The following DIRAS3 variants were observed in gnomAD, a reference collection of about 807,000 sequenced individuals.
DIRAS3 encodes the protein DIRAS family GTPase 3, also known as GTP-binding protein Di-Ras3.
For synonymous variants in DIRAS3, 133 were observed against 131.4 expected (o/e 1.01, Z -0.08); for missense variants, 248 against 300.6 (o/e 0.83, Z 1.29).
At position 68,050,559 on chromosome 1, in the gene DIRAS3, G is replaced by C. The variant is rs569597461; in HGVS notation, c.-77C>G. On this transcript the variant is annotated 5_prime_UTR_variant, in exon 1 of 2. Coordinates refer to ENST00000646789, the MANE Select transcript of DIRAS3 (RefSeq NM_004675.5). The surrounding 1 kb of genome is among the most constrained non-coding windows in gnomAD (Gnocchi z 4.5). ...AAAGAAAGACTTACCTTTCTCGGAG[G>C]CACGAACCAAGCAGCCTAGAAGACA... 6.6e-6 allele frequency: 1 copy of C among 152,300 alleles called. No individual in the cohort carries two copies. The highest frequency in any genetic ancestry group is 1.5e-5 in the Non-Finnish European group (1 of 68,040). 9.4% of individuals were successfully genotyped at this position (152,300 alleles called of 1,614,324 possible). A position where few individuals can be genotyped will look rare whatever the true frequency, so the allele number is the denominator to read the frequency against.
intron 1 of DIRAS3, 143 bp from the exon 2 acceptor site, chr1:68,047,505 T>G: frequency 1.7e-6 from 1 of 582,100 alleles, no homozygotes; most frequent in East Asian, 2.9e-5. Context: ...GAGAAGAAAA[T>G]TCCCAGGCAC....
chr1:68,047,360 C>A lies in DIRAS3; in HGVS notation c.-63G>T. On this transcript the variant is annotated splice_region_variant and 5_prime_UTR_variant, in exon 2 of 2. Coordinates refer to ENST00000646789, the MANE Select transcript of DIRAS3 (RefSeq NM_004675.5). The stretch of plus-strand genomic sequence containing the variant: ...CCCACACTTAGCTGGCAGCAGGAGA[C>A]CCCTAGGAAGAAAGTGAGACGGTGA... The A allele has an allele frequency of 1.4e-6, 2 of 1,474,000 alleles. No homozygotes were observed. The highest frequency in any genetic ancestry group is 2.3e-5 in the East Asian group (1 of 43,206). 91.3% of individuals were successfully genotyped at this position (1,474,000 alleles called of 1,614,324 possible).
rs368827565 is a variant in DIRAS3, at chr1:68,047,070, C to G, written c.228G>C (p.Gln76His). 1 of 1,614,204 alleles carries G rather than the reference C, an allele frequency of 6.2e-7. No individual in the cohort carries two copies. The highest frequency in any genetic ancestry group is 8.5e-7 in the Non-Finnish European group (1 of 1,180,040). ...YLPTIENTYC[Q>H]LLGCSHGVLS... ...GCACACCGTGGCTGCAGCCCAGCAA[C>G]TGGCAGTAGGTATTTTCAATGGTCG... is the stretch of plus-strand genomic sequence containing the variant. Residue 76 changes from glutamine (Q) to histidine (H), a missense_variant, in exon 2 of 2, where the codon CAG (glutamine) becomes CAC (histidine). Transcript: ENST00000646789.
rs1367196618 is a variant in DIRAS3, at chr1:68,050,542, A to G, written c.-66+6T>C. On this transcript the variant is annotated splice_donor_region_variant and intron_variant, in intron 1 of 1. Transcript: ENST00000646789. This position sits in a 1 kb window ranked among gnomAD's most constrained non-coding sequence, Gnocchi z 4.5. ...GTACCCCTAAAAAAGCGAAAGAAAGACTTACCTTTCTCGGAGGCACGAACC... is the reference window on the plus strand; with the variant it reads ...GTACCCCTAAAAAAGCGAAAGAAAGGCTTACCTTTCTCGGAGGCACGAACC... 1 of 151,982 alleles carries G rather than the reference A, an allele frequency of 6.6e-6. No individual in the cohort carries two copies. Among genetic ancestry groups the G allele is most frequent in the African/African-American group, 2.4e-5 (1 of 41,358 alleles). 9.4% of individuals were successfully genotyped at this position (151,982 alleles called of 1,614,324 possible).
rs2100336990 is a variant in DIRAS3, at chr1:68,050,404, T to C, written c.-66+144A>G. Reference sequence around the variant, plus strand: ...CAGGAGCCCGCAGGGCTGCGGGTGGTTCTTGCGTAATCGCGCCAAGAAAGA... The same window carrying C: ...CAGGAGCCCGCAGGGCTGCGGGTGGCTCTTGCGTAATCGCGCCAAGAAAGA... On this transcript the variant is annotated intron_variant, in intron 1 of 1. Coordinates refer to ENST00000646789, the MANE Select transcript of DIRAS3 (RefSeq NM_004675.5). The surrounding 1 kb of genome is among the most constrained non-coding windows in gnomAD (Gnocchi z 4.5). 1 of 152,260 alleles carries C rather than the reference T, an allele frequency of 6.6e-6. No homozygotes were observed. The highest frequency in any genetic ancestry group is 1.9e-4 in the East Asian group (1 of 5,158). The allele number at this position is 152,260 out of a possible 1,614,324, so 9.4% of individuals were successfully genotyped here. A position where few individuals can be genotyped will look rare whatever the true frequency, so the allele number is the denominator to read the frequency against.
chr1:68,050,419 G>A lies in DIRAS3; in HGVS notation c.-66+129C>T, dbSNP rs1161217065. On this transcript the variant is annotated intron_variant, in intron 1 of 1. Transcript: ENST00000646789. The surrounding 1 kb of genome is among the most constrained non-coding windows in gnomAD (Gnocchi z 4.5). ...CTGCGGGTGGTTCTTGCGTAATCGC[G>A]CCAAGAAAGACCTGGTTCCAGTTTC... The A allele has an allele frequency of 6.6e-6, 1 of 152,140 alleles. No individual in the cohort carries two copies. The highest frequency in any genetic ancestry group is 1.9e-4 in the East Asian group (1 of 5,174). 9.4% of individuals were successfully genotyped at this position (152,140 alleles called of 1,614,324 possible).
Position 68,046,769 on chromosome 1 carries a change from A to T in DIRAS3, c.529T>A (p.Phe177Ile). 1 of 1,614,172 alleles carries T rather than the reference A, an allele frequency of 6.2e-7. No homozygotes were observed. Among genetic ancestry groups the T allele is most frequent in the Non-Finnish European group, 8.5e-7 (1 of 1,180,034 alleles). Reference sequence around the variant, plus strand: ...TCGGTCTTGGCTGAAATCTCCATGAAGGCGCAATTCCACTCCATCGCACAG... The same window carrying T: ...TCGGTCTTGGCTGAAATCTCCATGATGGCGCAATTCCACTCCATCGCACAG... ...ATCAMEWNCA[F>I]MEISAKTDVN... Residue 177 changes from phenylalanine (F) to isoleucine (I), a missense_variant, in exon 2 of 2, where the codon TTC (phenylalanine) becomes ATC (isoleucine). By Grantham distance (21) the Phe-to-Ile change is conservative (BLOSUM62 0). Coordinates refer to ENST00000646789, the MANE Select transcript of DIRAS3 (RefSeq NM_004675.5).
At chr1:68,049,960 ACC>A (rs576801046) in intron 1 of DIRAS3, among the ~76,000 whole-genome samples, 3 of 106,048 alleles carry the variant, frequency 2.8e-5, no homozygotes, top group African/African-American at 8.1e-5. Context: ...CAGGCAGTGG[ACC>A]CCCCCCCCCA....
chr1:68,048,667 A>G (rs1332522048), intron 1 of DIRAS3, among the ~76,000 whole-genome samples: 1 of 150,872 alleles, frequency 6.6e-6, no homozygotes, highest in African/African-American at 2.4e-5. Flanking sequence ...GGGGAAAAGG[A>G]CCCTTTTTAG....
In DIRAS3 at chr1:68,046,402, C is replaced by G. The variant is rs1367601740; in HGVS notation, c.*206G>C. The G allele has an allele frequency of 1.9e-6, 1 of 528,022 alleles. No individual in the cohort carries two copies. The highest frequency in any genetic ancestry group is 3.5e-5 in the Admixed American group (1 of 28,272). The allele number at this position is 528,022 out of a possible 1,614,324, so 32.7% of individuals were successfully genotyped here. A position where few individuals can be genotyped will look rare whatever the true frequency, so the allele number is the denominator to read the frequency against. On this transcript the variant is annotated 3_prime_UTR_variant, in exon 2 of 2. Transcript: ENST00000646789. ...ACATCATGCTACATTTTGTTCTCCT[C>G]TTCAAATGCCAATGTTTTAACAATT...
Position 68,046,870 on chromosome 1 carries a change from T to C in DIRAS3, c.428A>G (p.His143Arg), listed in dbSNP as rs368845838. The change falls in exon 2 of 2, where the codon CAT becomes CGT. Residue 143 changes from histidine (H) to arginine (R), a missense_variant. Physicochemically the swap from His to Arg is conservative, Grantham distance 29. Coordinates refer to ENST00000646789, the MANE Select transcript of DIRAS3 (RefSeq NM_004675.5). ...LICKIKGNNL[H>R]KFPIVLVGNK... is the part of the protein sequence containing the mutation. ...GCCCACCAGCACGATGGGGAACTTA[T>C]GCAGGTTGTTACCTTTGATCTTGCA... The C allele has an allele frequency of 7.4e-6, 12 of 1,614,094 alleles. No homozygotes were observed. The highest frequency in any genetic ancestry group is 1.1e-5 in the South Asian group (1 of 91,084).
chr1:68,046,657 T>G lies in DIRAS3; in HGVS notation c.641A>C (p.Gln214Pro). 3 of 1,614,190 alleles carry G rather than the reference T, an allele frequency of 1.9e-6. No individual in the cohort carries two copies. The highest frequency in any genetic ancestry group is 1.7e-6 in the Non-Finnish European group (2 of 1,180,034). ...CAGCTTCTCAGTGGTGTTGGGCATCTGGGATTTCTTCTCGGGCTCCTGGAG... is the reference window on the plus strand; with the variant it reads ...CAGCTTCTCAGTGGTGTTGGGCATCGGGGATTTCTTCTCGGGCTCCTGGAG... ...TGLQEPEKKSQMPNTTEKLLD... is the reference protein window; with the variant it reads ...TGLQEPEKKSPMPNTTEKLLD... Residue 214 changes from glutamine (Q) to proline (P), a missense_variant, in exon 2 of 2, where the codon CAG (glutamine) becomes CCG (proline). By Grantham distance (76) the Gln-to-Pro change is moderately conservative (BLOSUM62 -1). Transcript: ENST00000646789.
At chr1:68,049,966 C>T (rs896094237) in intron 1 of DIRAS3, among the ~76,000 whole-genome samples, 2 of 148,540 alleles carry the variant, frequency 1.3e-5, no homozygotes, top group African/African-American at 5.2e-5. Flanking sequence ...GTGGACCCCC[C>T]CCCCCACTCC....
At chr1:68,049,225 A>G (rs1645709152) in intron 1 of DIRAS3, 1 of 152,258 alleles carries the variant, frequency 6.6e-6, no homozygotes, top group East Asian at 1.9e-4. Flanking sequence ...CAGGGAGGTT[A>G]ATACAGTAAA....
chr1:68,048,040 AAAAAAAAAAATATATATATATATAT>A (rs1645692887), intron 1 of DIRAS3, among the ~76,000 whole-genome samples: 2 of 73,140 alleles, frequency 2.7e-5, no homozygotes, highest in African/African-American at 1.2e-4. Context: ...AAAAAAAAAA[AAAAAAAAAAATATATATATATATAT>A]ATATATATAT....
chr1:68,047,483 G>T (rs532782077), intron 1 of DIRAS3, 121 bp from the exon 2 acceptor site: 152 of 607,014 alleles, frequency 2.5e-4, no homozygotes, highest in African/African-American at 2.5e-3. Flanking sequence ...GACGTAAAGG[G>T]GTGCACACAG....
chr1:68,049,971 C>CCCCA, intron 1 of DIRAS3, among the ~76,000 whole-genome samples: 1 of 148,166 alleles, frequency 6.7e-6, no homozygotes, highest in South Asian at 2.1e-4. Flanking sequence ...CCCCCCCCCC[C>CCCCA]ACTCCCCTCC....
intron 1 of DIRAS3, among the ~76,000 whole-genome samples, chr1:68,048,423 G>C (rs1645700349): frequency 6.6e-6 from 1 of 152,106 alleles, no homozygotes; most frequent in African/African-American, 2.4e-5. Flanking sequence ...CTGGCCTCTG[G>C]ACAGAGGTAG....
In DIRAS3 at chr1:68,047,236, G is replaced by A; in HGVS notation, c.62C>T (p.Pro21Leu). The change falls in exon 2 of 2, where the codon CCC becomes CTC. Residue 21 changes from proline to leucine, a missense_variant. Transcript: ENST00000646789. ...QKLLKRLRLLPALLILRAFKP... is the reference protein window; with the variant it reads ...QKLLKRLRLLLALLILRAFKP... ...GAAGGCGCGGAGGATAAGCAGGGCG[G>A]GCAGAAGCCGCAACCGCTTCAGCAG... 6.2e-7 allele frequency: 1 copy of A among 1,613,504 alleles called. No individual in the cohort carries two copies. The highest frequency in any genetic ancestry group is 8.5e-7 in the Non-Finnish European group (1 of 1,180,010).
Sources: gnomAD v4.1 joint callset for allele counts (sites outside exome capture counted in the v4.1 genomes callset) on GRCh38, gnomAD v4.1.1 for gene constraint, Gnocchi (gnomAD v3.1) non-coding constraint, MANE v1.5 for transcripts, NCBI Gene and HGNC (gene_info 2026-07-23, HGNC 2026-07-21) for gene names.